The following ELAPOR2 variants were observed in gnomAD, a reference collection of about 807,000 sequenced individuals.
The protein encoded by ELAPOR2 is endosome-lysosome associated apoptosis and autophagy regulator family member 2, also known as endosome/lysosome-associated apoptosis and autophagy regulator family member 2.
Under a neutral mutation model 120.7 loss-of-function variants are expected in ELAPOR2, and 89 were observed. That is an observed-to-expected ratio of 0.74 (90% CI 0.62 to 0.88). The LOEUF (loss-of-function observed/expected upper bound fraction) is 0.88. ELAPOR2 is among the 40% of genes least tolerant of loss of function. The pLI is 0.00. For missense variants in ELAPOR2, 1,134 were observed against 1,251.6 expected (o/e 0.91, Z 1.42); for synonymous variants, 444 against 444.9 (o/e 1.00, Z 0.03).
At chr7:86,893,308 T>C (rs766366180) in intron 19 of ELAPOR2, among the ~76,000 whole-genome samples, 4 of 151,986 alleles carry the variant, frequency 2.6e-5, no homozygotes, top group Non-Finnish European at 5.9e-5. Context: ...TGTGAATGAA[T>C]AAGGAATTAA....
At chr7:86,947,642 T>C (rs1791062748) in intron 3 of ELAPOR2, 85 bp downstream of exon 3, 6 of 1,202,826 alleles carry the variant, frequency 5.0e-6, no homozygotes, top group Non-Finnish European at 7.0e-6. Flanking sequence ...AGTACCAAGA[T>C]TATCCTCATC....
At chr7:87,017,920 A>AAAAAT (rs1188381826) in intron 1 of ELAPOR2, among the ~76,000 whole-genome samples, 19 of 152,174 alleles carry the variant, frequency 1.2e-4, no homozygotes, top group African/African-American at 3.4e-4. Flanking sequence ...GACTGTCTCA[A>AAAAAT]AAAATAAAAT....
intron 1 of ELAPOR2, among the ~76,000 whole-genome samples, chr7:86,992,382 G>T (rs1432363804): frequency 6.6e-6 from 1 of 152,180 alleles, no homozygotes; most frequent in African/African-American, 2.4e-5. Context: ...AGTGAGCTAT[G>T]ATCGTGCCAC....
chr7:87,039,584 A>G (rs1055214886), intron 1 of ELAPOR2, among the ~76,000 whole-genome samples: 1 of 152,242 alleles, frequency 6.6e-6, no homozygotes, highest in Admixed American at 6.5e-5. Flanking sequence ...TATCCCTGGG[A>G]TGCAAGGATA....
At chr7:86,918,323 CAAAAAAAAAAAAAAA>C in intron 12 of ELAPOR2, 104 bp downstream of exon 12, 1 of 170,344 alleles carries the variant, frequency 5.9e-6, no homozygotes, top group Non-Finnish European at 1.1e-5. Context: ...CTAAGAATAG[CAAAAAAAAAAAAAAA>C]AAAAAAAAAG....
At chr7:87,055,986 A>G (rs1049265085) in intron 1 of ELAPOR2, among the ~76,000 whole-genome samples, 4 of 152,200 alleles carry the variant, frequency 2.6e-5, no homozygotes, top group Admixed American at 6.5e-5. Context: ...ACATAATCCA[A>G]TTAGTTCTGT....
intron 1 of ELAPOR2, among the ~76,000 whole-genome samples, chr7:86,989,173 A>G (rs1272316359): frequency 6.6e-6 from 1 of 152,208 alleles, no homozygotes; most frequent in South Asian, 2.1e-4. Context: ...CAGATTATAG[A>G]CTTTTTTTAA....
chr7:86,891,223 C>T (rs892916795), intron 21 of ELAPOR2: 1 of 152,038 alleles, frequency 6.6e-6, no homozygotes, highest in African/African-American at 2.4e-5. Flanking sequence ...TTAGCCCCCA[C>T]TTTTATATTA....
rs1217451544 is a variant in ELAPOR2 at position 86,879,855 on chromosome 7, T to TA, written c.*615_*616insT. 6.6e-6 allele frequency: 1 copy of TA among 152,132 alleles called. No homozygotes were observed. The highest frequency in any genetic ancestry group is 1.5e-5 in the Non-Finnish European group (1 of 68,030). The allele number at this position is 152,132 out of a possible 1,614,324, so 9.4% of individuals were successfully genotyped here. ...AACGAGGATGGAATTTCAAAGGCAATTATAAATCTAGATAACCCAAGCACA... is the reference window on the plus strand; with the variant it reads ...AACGAGGATGGAATTTCAAAGGCAATATATAAATCTAGATAACCCAAGCACA... On this transcript the variant is annotated 3_prime_UTR_variant, in exon 22 of 22. Coordinates refer to ENST00000450689, the MANE Select transcript of ELAPOR2 (RefSeq NM_001142749.3).
intron 5 of ELAPOR2, chr7:86,941,305 C>G (rs375957911): frequency 4.3e-5 from 23 of 530,460 alleles, no homozygotes; most frequent in South Asian, 1.3e-4. Context: ...CTCTCTCACT[C>G]CAAAGAGATG....
At chr7:87,050,693 A>G (rs1475363486) in intron 1 of ELAPOR2, among the ~76,000 whole-genome samples, 4 of 152,192 alleles carry the variant, frequency 2.6e-5, no homozygotes, top group Non-Finnish European at 5.9e-5. Flanking sequence ...ACAGTTTTAA[A>G]TTTATATTTT....
intron 21 of ELAPOR2, among the ~76,000 whole-genome samples, chr7:86,890,365 G>A (rs886961134): frequency 6.6e-6 from 1 of 151,914 alleles, no homozygotes; most frequent in African/African-American, 2.4e-5. Context: ...GGACAGGTAT[G>A]CTACCTGTCC....
rs148925577 is a variant in ELAPOR2 at position 87,005,961 on chromosome 7, A to T, written c.190-40937T>A. Among the ~76,000 whole-genome samples, 549 of 152,330 alleles carry T rather than the reference A, an allele frequency of 3.6e-3. 1 individual carries two copies. Among genetic ancestry groups the T allele is most frequent in the Non-Finnish European group, 5.7e-3 (389 of 68,026 alleles). On this transcript the variant is annotated intron_variant, in intron 1 of 21. Transcript: ENST00000450689. ...TAAAATTCCTGCTCACCAAAACATG[A>T]CATTAAGAAAACAGAACTGGCAAGT...
chr7:86,987,093 G>T (rs999523604), intron 1 of ELAPOR2, among the ~76,000 whole-genome samples: 2 of 151,828 alleles, frequency 1.3e-5, no homozygotes, highest in African/African-American at 4.8e-5. Flanking sequence ...CAAGAAATGG[G>T]GAAAGGATTT....
At chr7:86,922,206 A>C (rs969371725) in intron 10 of ELAPOR2, among the ~76,000 whole-genome samples, 3 of 152,004 alleles carry the variant, frequency 2.0e-5, no homozygotes, top group Admixed American at 2.0e-4. Flanking sequence ...ATTTACTTCT[A>C]ACCTAACACC....
At chr7:86,911,531 G>C (rs1186013676) in intron 15 of ELAPOR2, 2 of 432,986 alleles carry the variant, frequency 4.6e-6, no homozygotes, top group Non-Finnish European at 9.1e-6. Context: ...TGGGCATCAT[G>C]GTCCTGTAAC....
chr7:86,974,803 T>G (rs1792224988), intron 1 of ELAPOR2, among the ~76,000 whole-genome samples: 1 of 152,160 alleles, frequency 6.6e-6, no homozygotes, highest in African/African-American at 2.4e-5. Flanking sequence ...TTCATATTTC[T>G]CCTTACTTTA....
chr7:86,908,574 C>A, intron 16 of ELAPOR2, 31 bp from the exon 17 acceptor site: 1 of 1,016,714 alleles, frequency 9.8e-7, no homozygotes. Context: ...AACTATTAAG[C>A]AATATGGAAA....
intron 17 of ELAPOR2, 97 bp downstream of exon 17, chr7:86,908,350 A>T (rs1789130901): frequency 1.5e-6 from 1 of 663,176 alleles, no homozygotes; most frequent in African/African-American, 1.9e-5. Context: ...GTATATGATT[A>T]CATACCCATA....
Sources: gnomAD v4.1 joint callset for allele counts (sites outside exome capture counted in the v4.1 genomes callset) on GRCh38, gnomAD v4.1.1 for gene constraint, MANE v1.5 for transcripts, NCBI Gene and HGNC (gene_info 2026-07-23, HGNC 2026-07-21) for gene names.